Variants in SCNN1B observed in about 807,000 individuals in gnomAD.
SCNN1B encodes the protein sodium channel epithelial 1 subunit beta.
Under a neutral mutation model 65.3 loss-of-function variants are expected in SCNN1B, and 46 were observed. The observed-to-expected ratio is 0.70, with a 90% CI of 0.56 to 0.90. The LOEUF (loss-of-function observed/expected upper bound fraction) is 0.90, where lower values mean the gene tolerates loss of function less well. Ranked by LOEUF, SCNN1B falls within the 40% of genes least tolerant of loss-of-function variation. SCNN1B has a pLI of 0.00. For missense variants in SCNN1B, 751 were observed against 830.5 expected, an observed-to-expected ratio of 0.90 and a Z score of 1.18; for synonymous variants, 349 against 330.6, an observed-to-expected ratio of 1.06 and a Z score of -0.60.
At chr16:23,292,472 C>G (rs1483265641) in intron 2 of SCNN1B, among the ~76,000 whole-genome samples, 1 of 150,068 alleles carries the variant, frequency 6.7e-6, no homozygotes, top group Non-Finnish European at 1.5e-5. Context: ...GCTGGGATTA[C>G]AGGCATAAGC....
intron 4 of SCNN1B, among the ~76,000 whole-genome samples, chr16:23,366,452 A>T (rs1366830062): frequency 6.6e-6 from 1 of 152,136 alleles, no homozygotes; most frequent in Non-Finnish European, 1.5e-5. Context: ...TCCTGGGCTC[A>T]GTTGGGTGCA....
At chr16:23,301,403 G>A (rs1961080679), upstream of SCNN1B, among the ~76,000 whole-genome samples, 3 of 136,086 alleles carry the variant, frequency 2.2e-5, no homozygotes, top group South Asian at 2.1e-4. Flanking sequence ...GAGGTAGGGA[G>A]GGAGGGAGGT....
At position 23,319,454 on chromosome 16, in the gene SCNN1B, G is replaced by C. The variant is rs377609163; in HGVS notation, c.-9+17017G>C. Among the ~76,000 whole-genome samples, 29 of 151,044 alleles carry C rather than the reference G, an allele frequency of 1.9e-4. 1 individual carries two copies. Among genetic ancestry groups the C allele is most frequent in the African/African-American group, 6.4e-4 (26 of 40,524 alleles). On this transcript the variant is annotated intron_variant, in intron 1 of 12. Coordinates refer to ENST00000343070, the MANE Select transcript of SCNN1B (RefSeq NM_000336.3). ...CAGCTGTTTTTTGTGCAGCTTGTGA[G>C]TTAAGAATGGTTTACATGGTTGAAA...
chr16:23,371,364 G>A lies in SCNN1B; in HGVS notation c.946G>A (p.Val316Ile). Residue 316 changes from valine to isoleucine, a missense_variant, in exon 6 of 13, where the codon GTC becomes ATC. Transcript: ENST00000343070. ...YVPFLASTAG[V>I]RLMLHEQRSY... The stretch of plus-strand genomic sequence containing the variant: ...CCCCTTCCTTGCGTCCACGGCCGGG[G>A]TCAGGCTGATGCTTCACGAGCAGAG... The A allele has an allele frequency of 6.2e-7, 1 of 1,614,170 alleles. No individual in the cohort carries two copies. Among genetic ancestry groups the A allele is most frequent in the Non-Finnish European group, 8.5e-7 (1 of 1,180,014 alleles).
intron 10 of SCNN1B, among the ~76,000 whole-genome samples, 192 bp from the exon 11 acceptor site, chr16:23,378,514 G>A (rs372694355): frequency 6.6e-6 from 1 of 152,146 alleles, no homozygotes; most frequent in Non-Finnish European, 1.5e-5. Flanking sequence ...CTGGAGGCCC[G>A]AGTCCTTCCT....
chr16:23,363,003 C>G (rs1295589106), intron 4 of SCNN1B, among the ~76,000 whole-genome samples: 1 of 152,218 alleles, frequency 6.6e-6, no homozygotes, highest in Non-Finnish European at 1.5e-5. Flanking sequence ...ACCCTGTAGA[C>G]TTAGCCATCG....
chr16:23,355,368 T>C lies in SCNN1B; in HGVS notation c.655T>C (p.Tyr219His). 2 of 1,614,100 alleles carry C rather than the reference T, an allele frequency of 1.2e-6. No individual in the cohort carries two copies. Among genetic ancestry groups the C allele is most frequent in the Non-Finnish European group, 8.5e-7 (1 of 1,180,018 alleles). ...TSATQALTEWYILQATNIFAQ... is the reference protein window; with the variant it reads ...TSATQALTEWHILQATNIFAQ... ...TGCTACCCAGGCATTGACAGAGTGG[T>C]ACATCCTGCAGGCCACCAACATCTT... Residue 219 changes from tyrosine (Y) to histidine (H), a missense_variant, in exon 4 of 13, where the codon TAC becomes CAC. Transcript: ENST00000343070.
In SCNN1B at chr16:23,352,956, G is replaced by C; in HGVS notation, c.467G>C (p.Arg156Pro). 6.2e-7 allele frequency: 1 copy of C among 1,614,118 alleles called. No homozygotes were observed. The highest frequency in any genetic ancestry group is 8.5e-7 in the Non-Finnish European group (1 of 1,180,038). ...ACACCCCTGGTCCTTATTGATGAAC[G>C]GAACCCCCACCACCCCATGGTCCTT... is the stretch of plus-strand genomic sequence containing the variant. The part of the protein sequence containing the change: ...NHTPLVLIDE[R>P]NPHHPMVLDL... The change falls in exon 3 of 13, where the codon CGG becomes CCG. Residue 156 changes from arginine (R) to proline (P), a missense_variant. Coordinates refer to ENST00000343070, the MANE Select transcript of SCNN1B (RefSeq NM_000336.3).
intron 10 of SCNN1B, 88 bp from the exon 11 acceptor site, chr16:23,378,618 C>G: frequency 8.2e-7 from 1 of 1,215,712 alleles, no homozygotes; most frequent in Admixed American, 1.7e-5. Context: ...AGGGACAGGG[C>G]TGTGGTCTAC....
rs574896256 is a variant in SCNN1B at position 23,306,058 on chromosome 16, C to T, written c.-9+3621C>T. On this transcript the variant is annotated intron_variant, in intron 1 of 12. Transcript: ENST00000343070. ...AGGCGTTCGAGACCAGCCTGGCCAA[C>T]GGGGTGAAGCTCCATCTCTAGTAAA... 9.2e-5 allele frequency among the ~76,000 whole-genome samples: 14 copies of T among 152,174 alleles called. No individual in the cohort carries two copies. In the East Asian group the frequency reaches 9.7e-4, roughly 11 times the overall value.
rs889763369 is a variant in SCNN1B at position 23,323,535 on chromosome 16, T to TTTTCCCC, written c.-9+21100_-9+21106dup. On this transcript the variant is annotated intron_variant, in intron 1 of 12. Coordinates refer to ENST00000343070, the MANE Select transcript of SCNN1B (RefSeq NM_000336.3). ...CATCAACTCAATGAACTCAGTACTA[T>TTTTCCCC]TTTCCCCTCATTTTACAGATGGGGA... 4.3e-6 allele frequency: 3 copies of TTTTCCCC among 702,782 alleles called. No individual in the cohort carries two copies. In the African/African-American group the frequency reaches 5.2e-5, roughly 12 times the overall value. 43.5% of individuals were successfully genotyped at this position (702,782 alleles called of 1,614,324 possible).
intron 1 of SCNN1B, among the ~76,000 whole-genome samples, chr16:23,283,124 C>T (rs560416111): frequency 3.5e-4 from 54 of 152,318 alleles, no homozygotes; most frequent in Admixed American, 1.2e-3. Context: ...AGAACACTTA[C>T]GTTAAGCTGG....
chr16:23,305,607 T>G (rs1961200634), intron 1 of SCNN1B, among the ~76,000 whole-genome samples: 2 of 127,898 alleles, frequency 1.6e-5, no homozygotes, highest in East Asian at 2.3e-4. Flanking sequence ...ATAACCTGGG[T>G]GTGGTGGCAT....
At chr16:23,278,493 T>C (rs762845914) in intron 1 of SCNN1B, among the ~76,000 whole-genome samples, 57 of 152,068 alleles carry the variant, frequency 3.7e-4, no homozygotes, top group South Asian at 8.3e-4. Flanking sequence ...ATGATTCAAT[T>C]CATGTGAAAT....
chr16:23,369,065 T>C (rs946539171), intron 5 of SCNN1B, among the ~76,000 whole-genome samples: 1 of 152,158 alleles, frequency 6.6e-6, no homozygotes, highest in African/African-American at 2.4e-5. Context: ...AGAAAAGAAA[T>C]ACATAACAGT....
At chr16:23,327,106 G>A (rs1426336909) in intron 1 of SCNN1B, among the ~76,000 whole-genome samples, 3 of 151,094 alleles carry the variant, frequency 2.0e-5, no homozygotes, top group Admixed American at 2.0e-4. Context: ...TTGTAGAGGT[G>A]GGATCTCGCT....
intron 2 of SCNN1B, among the ~76,000 whole-genome samples, chr16:23,286,920 G>A (rs1032764569): frequency 6.6e-6 from 1 of 151,940 alleles, no homozygotes; most frequent in African/African-American, 2.4e-5. Flanking sequence ...GAAAGAGCCC[G>A]TCTCTATTAA....
chr16:23,345,091 G>A (rs1962159169), intron 1 of SCNN1B, among the ~76,000 whole-genome samples: 1 of 152,220 alleles, frequency 6.6e-6, no homozygotes, highest in Non-Finnish European at 1.5e-5. Flanking sequence ...GGGGAAGGAA[G>A]GTGAGAAATG....
intron 1 of SCNN1B, among the ~76,000 whole-genome samples, chr16:23,343,065 A>G (rs1962084943): frequency 6.6e-6 from 1 of 152,212 alleles, no homozygotes; most frequent in Admixed American, 6.5e-5. Flanking sequence ...CTCCTACCCC[A>G]CACTATATGC....
Sources: allele counts gnomAD v4.1 joint callset (sites outside exome capture counted in the v4.1 genomes callset), GRCh38; gene constraint gnomAD v4.1.1; transcripts MANE v1.5; gene names NCBI Gene and HGNC (gene_info 2026-07-23, HGNC 2026-07-21).